The following SOX5 variants were observed in gnomAD, a reference collection of about 807,000 sequenced individuals.
The protein encoded by SOX5 is transcription factor SOX-5.
In SOX5, 9 loss-of-function variants were observed where a neutral mutation model predicts 92.0. The observed-to-expected ratio is 0.10, with a 90% CI of 0.06 to 0.17. The LOEUF (loss-of-function observed/expected upper bound fraction) is 0.17. SOX5 is among the 10% of genes least tolerant of loss of function. The pLI is 1.00. For synonymous variants in SOX5, 344 were observed against 336.3 expected (o/e 1.02, Z -0.25); for missense variants, 642 against 944.5 (o/e 0.68, Z 4.20).
chr12:24,297,288 T>C (rs1947379249), intron 2 of SOX5, among the ~76,000 whole-genome samples: 1 of 152,238 alleles, frequency 6.6e-6, no homozygotes, highest in African/African-American at 2.4e-5. Context: ...TTAAAATCAC[T>C]GGTTCTTTCT....
At chr12:23,850,871 G>A (rs540708741) in intron 2 of SOX5, among the ~76,000 whole-genome samples, 22 of 152,110 alleles carry the variant, frequency 1.4e-4, no homozygotes, top group Middle Eastern at 3.4e-3. Context: ...ACAATTGCAC[G>A]CACAATTTCA....
chr12:24,335,970 A>ATC (rs1248779881), intron 2 of SOX5, among the ~76,000 whole-genome samples: 2 of 10,260 alleles, frequency 1.9e-4, no homozygotes, highest in African/African-American at 4.1e-4. Flanking sequence ...TAGAAATGCT[A>ATC]TCATATATAT....
intron 3 of SOX5, among the ~76,000 whole-genome samples, chr12:23,778,903 T>C (rs965733924): frequency 2.6e-5 from 4 of 152,126 alleles, no homozygotes; most frequent in African/African-American, 9.7e-5. Flanking sequence ...AGGTAGAAAC[T>C]GAAAAGTCAG....
rs543575552 is a variant in SOX5 at position 24,048,155 on chromosome 12, T to A, written c.-1-152131A>T. 3.3e-5 allele frequency among the ~76,000 whole-genome samples: 5 copies of A among 152,272 alleles called. No individual in the cohort carries two copies. The South Asian group carries it at 1.0e-3, about 32-fold the overall frequency. ...ACAGCTTTCTGATACATCATCACAT[T>A]CCGTGCACACAAACTCCAGGCAAAA... On this transcript the variant is annotated intron_variant, in intron 4 of 4. Transcript: ENST00000446891.
At chr12:23,581,998 G>A (rs1950106222) in intron 9 of SOX5, among the ~76,000 whole-genome samples, 2 of 152,012 alleles carry the variant, frequency 1.3e-5, no homozygotes, top group Admixed American at 6.6e-5. Flanking sequence ...TGTGAAATAA[G>A]TAGCAGTAAT....
intron 1 of SOX5, among the ~76,000 whole-genome samples, chr12:24,477,130 CTTTT>C (rs11324014): frequency 0.022 from 3,141 of 142,150 alleles, 41 homozygotes; most frequent in Middle Eastern, 0.037. Flanking sequence ...TGAGATTTAA[CTTTT>C]TTTTTTTTTT....
intron 2 of SOX5, among the ~76,000 whole-genome samples, chr12:24,293,078 T>G (rs571262791): frequency 6.6e-5 from 10 of 152,202 alleles, no homozygotes; most frequent in Non-Finnish European, 1.3e-4. Context: ...GTCACTATAC[T>G]ATAATAACAA....
intron 2 of SOX5, among the ~76,000 whole-genome samples, chr12:23,894,208 G>A (rs1012298068): frequency 1.3e-5 from 2 of 151,772 alleles, no homozygotes; most frequent in East Asian, 1.9e-4. Context: ...TGACATATGA[G>A]TTAGCTAAAA....
chr12:23,612,112 C>A (rs11047003), intron 8 of SOX5, among the ~76,000 whole-genome samples: 59,555 of 151,598 alleles, frequency 0.39, 11,926 homozygotes, highest in Middle Eastern at 0.5. Context: ...TATTTTTATA[C>A]GTATTATCCT....
intron 11 of SOX5, among the ~76,000 whole-genome samples, chr12:23,558,633 G>A (rs1171912342): frequency 2.0e-5 from 3 of 152,148 alleles, no homozygotes; most frequent in South Asian, 2.1e-4. Flanking sequence ...ACGGAGTTCC[G>A]CTTTTGTCGC....
intron 11 of SOX5, among the ~76,000 whole-genome samples, chr12:23,555,603 C>T (rs1945021495): frequency 6.6e-6 from 1 of 152,134 alleles, no homozygotes; most frequent in African/African-American, 2.4e-5. Flanking sequence ...AAACTGAAAG[C>T]AGGCTATACT....
At chr12:23,875,192 G>C (rs1201742166) in intron 2 of SOX5, among the ~76,000 whole-genome samples, 7 of 152,118 alleles carry the variant, frequency 4.6e-5, no homozygotes, top group Non-Finnish European at 1.0e-4. Context: ...GAAGCAGGAA[G>C]TTTTTCTTCA....
intron 4 of SOX5, among the ~76,000 whole-genome samples, chr12:24,068,725 T>C (rs1276060050): frequency 2.1e-5 from 2 of 97,370 alleles, no homozygotes; most frequent in Non-Finnish European, 4.2e-5. Context: ...TATATATATA[T>C]ATATATATAT....
At chr12:24,541,216 AC>A (rs1952097693) in intron 1 of SOX5, among the ~76,000 whole-genome samples, 1 of 152,348 alleles carries the variant, frequency 6.6e-6, no homozygotes, top group South Asian at 2.1e-4. Flanking sequence ...TAATGTATGC[AC>A]AGTTCCAAAA....
At chr12:23,991,927 G>A (rs994658358) in intron 4 of SOX5, among the ~76,000 whole-genome samples, 2 of 152,030 alleles carry the variant, frequency 1.3e-5, no homozygotes, top group African/African-American at 4.8e-5. Context: ...TCTCTTGTTA[G>A]AATATCTTTA....
chr12:23,668,112 G>A (rs2084133361), intron 6 of SOX5, among the ~76,000 whole-genome samples: 1 of 152,226 alleles, frequency 6.6e-6, no homozygotes, highest in Non-Finnish European at 1.5e-5. Flanking sequence ...CAAGAGGGCT[G>A]TGGTGTGACT....
intron 4 of SOX5, among the ~76,000 whole-genome samples, chr12:24,004,430 C>G (rs1951934499): frequency 6.6e-6 from 1 of 151,736 alleles, no homozygotes; most frequent in Admixed American, 6.6e-5. Context: ...ATAAAAGAAA[C>G]AGCTCAATTA....
chr12:23,843,729 A>G (rs933807131), intron 3 of SOX5, among the ~76,000 whole-genome samples: 2 of 151,326 alleles, frequency 1.3e-5, no homozygotes, highest in African/African-American at 4.9e-5. Context: ...ATGCCTGCCT[A>G]ATTTTTGTAT....
intron 6 of SOX5, among the ~76,000 whole-genome samples, chr12:23,699,605 T>C (rs2090347823): frequency 6.6e-6 from 1 of 152,214 alleles, no homozygotes. Flanking sequence ...TAGTTGAAGA[T>C]CTTAGAGTGG....
Sources: allele counts gnomAD v4.1 joint callset (sites outside exome capture counted in the v4.1 genomes callset), GRCh38; gene constraint gnomAD v4.1.1; transcripts MANE v1.5; gene names NCBI Gene and HGNC (gene_info 2026-07-23, HGNC 2026-07-21).